CCDC7: variants seen among roughly 807,000 people sequenced by gnomAD.
CCDC7 encodes the protein coiled-coil domain-containing protein 7.
In CCDC7, 183 loss-of-function variants were observed where a neutral mutation model predicts 196.9. The observed-to-expected ratio is 0.93, with a 90% CI of 0.82 to 1.05. The LOEUF (loss-of-function observed/expected upper bound fraction) is 1.05. Among genes scored for constraint, CCDC7 ranks in the 50% least tolerant of loss-of-function variants. The pLI, the probability that CCDC7 is intolerant of heterozygous loss-of-function variation, is 0.00. For synonymous variants in CCDC7, 525 were observed against 484.6 expected, an observed-to-expected ratio of 1.08 and a Z score of -1.10; for missense variants, 1,540 against 1,482.2, an observed-to-expected ratio of 1.04 and a Z score of -0.64.
intron 18 of CCDC7, among the ~76,000 whole-genome samples, chr10:32,633,367 C>T (rs532006296): frequency 3.3e-5 from 5 of 152,290 alleles, no homozygotes; most frequent in Admixed American, 2.6e-4. Context: ...TGCCTTCCTT[C>T]ATTTTGTATG....
chr10:32,830,143 C>CATATATATATATGGATATATATATA (rs2091996967), intron 32 of CCDC7, among the ~76,000 whole-genome samples: 1 of 22,400 alleles, frequency 4.5e-5, no homozygotes, highest in Admixed American at 5.1e-4. Context: ...TATATATATC[C>CATATATATATATGGATATATATATA]TATTAGTTCT....
intron 28 of CCDC7, among the ~76,000 whole-genome samples, chr10:32,740,927 C>T (rs1467763779): frequency 4.7e-5 from 6 of 127,414 alleles, no homozygotes; most frequent in African/African-American, 1.2e-4. Flanking sequence ...GCTTTCCATA[C>T]AAAACTGAAG....
chr10:32,661,432 T>C (rs368986847), intron 20 of CCDC7, among the ~76,000 whole-genome samples: 1 of 152,134 alleles, frequency 6.6e-6, no homozygotes, highest in Non-Finnish European at 1.5e-5. Context: ...CCTCTGTTTT[T>C]CTTAAGCAGA....
chr10:32,760,718 A>G (rs2077322859), intron 28 of CCDC7, among the ~76,000 whole-genome samples: 1 of 152,078 alleles, frequency 6.6e-6, no homozygotes, highest in Non-Finnish European at 1.5e-5. Context: ...CACGTTGTGC[A>G]CATGTACCCT....
chr10:32,720,857 C>A (rs930019466), intron 25 of CCDC7, among the ~76,000 whole-genome samples: 15 of 152,032 alleles, frequency 9.9e-5, no homozygotes, highest in African/African-American at 2.7e-4. Flanking sequence ...TTTGGGAGAC[C>A]GAAGTGGGTA....
At position 32,684,556 on chromosome 10, in the gene CCDC7, C is replaced by G. The variant is rs184114505; in HGVS notation, c.2123-1414C>G. 2.6e-5 allele frequency among the ~76,000 whole-genome samples: 4 copies of G among 152,310 alleles called. No homozygotes were observed. In the East Asian group the frequency reaches 7.7e-4, roughly 29 times the overall value. ...CTCCTCTCTGCTCTCCATGGGTCAC[C>G]ACTATTTCCTTGATGAATCCCAAGG... is the stretch of plus-strand genomic sequence containing the variant. On this transcript the variant is annotated intron_variant, in intron 21 of 41. Transcript: ENST00000639629.
intron 11 of CCDC7, among the ~76,000 whole-genome samples, chr10:32,531,288 ATTG>A (rs936418377): frequency 1.3e-5 from 2 of 151,808 alleles, no homozygotes; most frequent in Non-Finnish European, 2.9e-5. Flanking sequence ...ATGCCTGGCT[ATTG>A]TTCTTTATCT....
chr10:32,635,616 T>C (rs1437676488), intron 20 of CCDC7, among the ~76,000 whole-genome samples: 2 of 152,016 alleles, frequency 1.3e-5, no homozygotes, highest in African/African-American at 4.8e-5. Context: ...GAGACCCTCA[T>C]TGCCACAAAA....
At chr10:32,725,310 A>T in intron 25 of CCDC7, 1 of 470,850 alleles carries the variant, frequency 2.1e-6, no homozygotes, top group South Asian at 1.5e-5. Context: ...ATACTACTAC[A>T]AAAACAAACC....
chr10:32,525,531 C>T (rs1385898091), intron 11 of CCDC7, among the ~76,000 whole-genome samples: 2 of 152,182 alleles, frequency 1.3e-5, no homozygotes, highest in African/African-American at 4.8e-5. Context: ...ATCTCTGTTT[C>T]TCCAGGATTG....
At chr10:32,619,806 C>T (rs948907265) in intron 18 of CCDC7, among the ~76,000 whole-genome samples, 2 of 151,460 alleles carry the variant, frequency 1.3e-5, no homozygotes, top group Non-Finnish European at 2.9e-5. Context: ...GCTATGTTGC[C>T]CAGCCTGGTC....
intron 20 of CCDC7, among the ~76,000 whole-genome samples, chr10:32,642,359 C>T (rs4391739): frequency 0.14 from 21,048 of 152,270 alleles, 1,767 homozygotes; most frequent in East Asian, 0.25. Context: ...GCGGGCGCCC[C>T]TCCCCCAGCC....
chr10:32,593,883 G>A (rs1056216642), intron 18 of CCDC7, among the ~76,000 whole-genome samples: 1 of 152,038 alleles, frequency 6.6e-6, no homozygotes, highest in Non-Finnish European at 1.5e-5. Context: ...ATTTCCGAGG[G>A]CTCTATTCTG....
At chr10:32,584,063 A>G (rs2058998354) in intron 17 of CCDC7, among the ~76,000 whole-genome samples, 169 bp from the exon 19 acceptor site, 1 of 152,092 alleles carries the variant, frequency 6.6e-6, no homozygotes, top group African/African-American at 2.4e-5. Flanking sequence ...CTGACTTTTT[A>G]ATTTGATACA....
At chr10:32,843,113 A>T (rs902550849) in intron 33 of CCDC7, among the ~76,000 whole-genome samples, 1 of 150,730 alleles carries the variant, frequency 6.6e-6, no homozygotes, top group African/African-American at 2.5e-5. Flanking sequence ...TTTTTAAAAA[A>T]TTTAAAAAAT....
chr10:32,843,453 G>A (rs1434529131), intron 33 of CCDC7, among the ~76,000 whole-genome samples: 2 of 151,820 alleles, frequency 1.3e-5, no homozygotes, highest in Non-Finnish European at 2.9e-5. Flanking sequence ...ACACAAATAT[G>A]TGAACATCTT....
At chr10:32,773,504 G>GT (rs2079494259) in intron 28 of CCDC7, among the ~76,000 whole-genome samples, 1 of 151,556 alleles carries the variant, frequency 6.6e-6, no homozygotes, top group Admixed American at 6.6e-5. Flanking sequence ...TATTTTGAGA[G>GT]TTTCTCTTTG....
At position 32,694,962 on chromosome 10, in the gene CCDC7, A is replaced by G. The variant is rs778503556; in HGVS notation, c.2428A>G (p.Lys810Glu). 9.9e-5 allele frequency: 159 copies of G among 1,603,148 alleles called. 1 individual carries two copies. The South Asian group carries it at 1.0e-3, about 10-fold the overall frequency. ...ACTGGAAATGCAAATTGAAAAAACC[A>G]AAAAACTTCCTAGAGAGAAAAGACA... The change falls in exon 24 of 42, where the codon AAA (lysine) becomes GAA (glutamate). Residue 810 changes from lysine (K) to glutamate (E), a missense_variant. Lys to Glu is a moderately conservative substitution (Grantham distance 56). Transcript: ENST00000639629.
chr10:32,564,461 C>A (rs2136821422), intron 13 of CCDC7, among the ~76,000 whole-genome samples: 1 of 152,238 alleles, frequency 6.6e-6, no homozygotes, highest in South Asian at 2.1e-4. Context: ...CCATGGAATA[C>A]TATGCAGTCA....
Sources: gnomAD v4.1 joint callset for allele counts (sites outside exome capture counted in the v4.1 genomes callset) on GRCh38, gnomAD v4.1.1 for gene constraint, MANE v1.5 for transcripts, NCBI Gene and HGNC (gene_info 2026-07-23, HGNC 2026-07-21) for gene names.